GPM6A: variants seen among roughly 807,000 people sequenced by gnomAD.
The protein encoded by GPM6A is glycoprotein M6A, also known as neuronal membrane glycoprotein M6-a.
Under a neutral mutation model 32.1 loss-of-function variants are expected in GPM6A, and 7 were observed. That is an observed-to-expected ratio of 0.22 (90% CI 0.12 to 0.41). The LOEUF is 0.41. Among genes scored for constraint, GPM6A ranks in the 10% least tolerant of loss-of-function variants. The probability of loss-of-function intolerance (pLI) is 1.00; values close to 1 mark genes in which losing one functional copy is unlikely to be tolerated. For missense variants in GPM6A, 235 were observed against 347.2 expected (o/e 0.68, Z 2.57); for synonymous variants, 130 against 123.4 (o/e 1.05, Z -0.35).
At chr4:175,648,371 T>C (rs1741595404) in intron 4 of GPM6A, among the ~76,000 whole-genome samples, 1 of 152,136 alleles carries the variant, frequency 6.6e-6, no homozygotes, top group South Asian at 2.1e-4. Context: ...GAAGGGGAAT[T>C]AAGCTTGCAG....
intron 1 of GPM6A, among the ~76,000 whole-genome samples, chr4:175,807,925 AT>A (rs1454726407): frequency 6.6e-6 from 1 of 152,154 alleles, no homozygotes; most frequent in African/African-American, 2.4e-5. Flanking sequence ...CAATTAATCT[AT>A]TTGGTATTTA....
intron 4 of GPM6A, among the ~76,000 whole-genome samples, chr4:175,645,701 A>C (rs1189719694): frequency 6.6e-6 from 1 of 152,208 alleles, no homozygotes; most frequent in East Asian, 1.9e-4. Context: ...AGCCTGGGCG[A>C]CAGAGCAAGA....
chr4:175,874,364 A>G (rs1181200631), intron 1 of GPM6A, among the ~76,000 whole-genome samples: 1 of 152,164 alleles, frequency 6.6e-6, no homozygotes, highest in African/African-American at 2.4e-5. Context: ...AAAGGGAACT[A>G]TTTTTCAAGA....
At chr4:175,965,546 G>C (rs1340909647) in intron 1 of GPM6A, among the ~76,000 whole-genome samples, 2 of 150,990 alleles carry the variant, frequency 1.3e-5, no homozygotes, top group Non-Finnish European at 2.9e-5. Flanking sequence ...CTCTAGTTAG[G>C]TTAACTAAGG....
intron 1 of GPM6A, among the ~76,000 whole-genome samples, chr4:175,938,160 T>C (rs1739297097): frequency 1.3e-5 from 2 of 152,290 alleles, no homozygotes; most frequent in African/African-American, 2.4e-5. Flanking sequence ...GTTCTAATGT[T>C]TGATAGCAGA....
intron 1 of GPM6A, among the ~76,000 whole-genome samples, chr4:175,856,661 T>C (rs1736426678): frequency 6.6e-6 from 1 of 152,176 alleles, no homozygotes; most frequent in Non-Finnish European, 1.5e-5. Flanking sequence ...GGTTGGTGTA[T>C]GCAGAGGATT....
chr4:175,935,078 A>G (rs1411893104), intron 1 of GPM6A, among the ~76,000 whole-genome samples: 1 of 152,210 alleles, frequency 6.6e-6, no homozygotes, highest in African/African-American at 2.4e-5. Flanking sequence ...TGACTACTTT[A>G]ATGTGGATGA....
chr4:175,664,703 T>A (rs530787828), intron 3 of GPM6A, among the ~76,000 whole-genome samples: 29 of 152,194 alleles, frequency 1.9e-4, no homozygotes, highest in Non-Finnish European at 4.0e-4. Flanking sequence ...CTACTTCACA[T>A]CTTCTGGGTT....
At chr4:175,798,816 T>C (rs1734341604) in intron 1 of GPM6A, 1 of 151,748 alleles carries the variant, frequency 6.6e-6, no homozygotes, top group South Asian at 2.1e-4. Context: ...TAGTGTCCCA[T>C]TTTCTCCTTA....
intron 2 of GPM6A, among the ~76,000 whole-genome samples, chr4:175,689,563 C>G (rs772362327): frequency 2.4e-4 from 37 of 151,852 alleles, no homozygotes; most frequent in Admixed American, 4.6e-4. Context: ...GGTGAATGTT[C>G]CAGCTGCACT....
chr4:175,959,652 T>C (rs1173073856), intron 1 of GPM6A, among the ~76,000 whole-genome samples: 3 of 151,870 alleles, frequency 2.0e-5, no homozygotes, highest in Admixed American at 6.6e-5. Flanking sequence ...GACAAAAGAG[T>C]CAATTATTGA....
At chr4:175,866,086 T>A (rs1736725140) in intron 1 of GPM6A, among the ~76,000 whole-genome samples, 1 of 152,256 alleles carries the variant, frequency 6.6e-6, no homozygotes, top group Admixed American at 6.5e-5. Context: ...CCAAGTTATT[T>A]AATCTATTGC....
intron 1 of GPM6A, among the ~76,000 whole-genome samples, chr4:175,855,919 C>T (rs1736399984): frequency 6.6e-6 from 1 of 152,184 alleles, no homozygotes; most frequent in Non-Finnish European, 1.5e-5. Flanking sequence ...ACCTAACTAG[C>T]AAACAGGAGC....
At chr4:175,987,036 T>A (rs1740996692) in intron 1 of GPM6A, among the ~76,000 whole-genome samples, 1 of 152,218 alleles carries the variant, frequency 6.6e-6, no homozygotes, top group Admixed American at 6.5e-5. Flanking sequence ...ACTGACATTT[T>A]AAGAGGAATT....
At chr4:175,700,797 T>C (rs1297780137) in intron 2 of GPM6A, among the ~76,000 whole-genome samples, 1 of 152,154 alleles carries the variant, frequency 6.6e-6, no homozygotes, top group Non-Finnish European at 1.5e-5. Flanking sequence ...TATTTTCTTT[T>C]CATGGGCATA....
rs1745301240 is a variant in GPM6A, at chr4:175,707,985, T to C, written c.38-6218A>G. Reference sequence around the variant, plus strand: ...AATGGTGTCACTGGGTTTTTAAAAATACATCACTAAATTTGTCATGCTAAC... The same window carrying C: ...AATGGTGTCACTGGGTTTTTAAAAACACATCACTAAATTTGTCATGCTAAC... On this transcript the variant is annotated intron_variant, in intron 1 of 6. Coordinates refer to ENST00000393658, the MANE Select transcript of GPM6A (RefSeq NM_201591.3). Among the ~76,000 whole-genome samples, 3 of 152,208 alleles carry C rather than the reference T, an allele frequency of 2.0e-5. No individual in the cohort carries two copies. The South Asian group carries it at 6.2e-4, about 32-fold the overall frequency.
chr4:175,654,504 C>T (rs1011742968), intron 3 of GPM6A, among the ~76,000 whole-genome samples: 1 of 152,102 alleles, frequency 6.6e-6, no homozygotes, highest in Non-Finnish European at 1.5e-5. Flanking sequence ...AATGTGATTA[C>T]TACTCTTGCT....
chr4:175,888,007 C>G (rs765536185), intron 1 of GPM6A, among the ~76,000 whole-genome samples: 1 of 151,796 alleles, frequency 6.6e-6, no homozygotes, highest in African/African-American at 2.4e-5. Context: ...AATCTTAATA[C>G]CAAAGACAGG....
intron 1 of GPM6A, among the ~76,000 whole-genome samples, chr4:175,780,953 T>G (rs1733591458): frequency 6.6e-6 from 1 of 152,106 alleles, no homozygotes; most frequent in African/African-American, 2.4e-5. Context: ...GTAGAAAAGA[T>G]AAACTTGTGG....
Sources: gnomAD v4.1 joint callset for allele counts (sites outside exome capture counted in the v4.1 genomes callset) on GRCh38, gnomAD v4.1.1 for gene constraint, MANE v1.5 for transcripts, NCBI Gene and HGNC (gene_info 2026-07-23, HGNC 2026-07-21) for gene names.